Variants in CHP1 observed in about 807,000 individuals in gnomAD.
CHP1 encodes calcineurin B homologous protein 1.
Under a neutral mutation model 27.4 loss-of-function variants are expected in CHP1, and 11 were observed. The ratio of observed to expected loss-of-function variants is 0.40; its 90% CI spans 0.25 to 0.67. CHP1 has a LOEUF of 0.67. Ranked by LOEUF, CHP1 falls within the 30% of genes least tolerant of loss-of-function variation. The pLI is 0.38. For missense variants in CHP1, 169 were observed against 251.3 expected (o/e 0.67, Z 2.22); for synonymous variants, 89 against 87.4 (o/e 1.02, Z -0.10).
At chr15:41,236,570 G>A (rs938159239) in intron 1 of CHP1, among the ~76,000 whole-genome samples, 1 of 152,012 alleles carries the variant, frequency 6.6e-6, no homozygotes, top group African/African-American at 2.4e-5. Context: ...ACTTTTTTGC[G>A]GGGGCAAGGA....
Position 41,280,426 on chromosome 15 carries a change from T to C in CHP1, c.*1037T>C, listed in dbSNP as rs578082202. ...CAGCATGGTTTATGCCTCAGTGTTATGTGCACTGGAATGTTTTCCACTTCA... is the reference window on the plus strand; with the variant it reads ...CAGCATGGTTTATGCCTCAGTGTTACGTGCACTGGAATGTTTTCCACTTCA... On this transcript the variant is annotated 3_prime_UTR_variant, in exon 7 of 7. Coordinates refer to ENST00000334660, the MANE Select transcript of CHP1 (RefSeq NM_007236.5). 1 of 152,610 alleles carries C rather than the reference T, an allele frequency of 6.6e-6. No homozygotes were observed. Among genetic ancestry groups the C allele is most frequent in the South Asian group, 2.1e-4 (1 of 4,814 alleles). 9.5% of individuals were successfully genotyped at this position (152,610 alleles called of 1,614,324 possible).
intron 1 of CHP1, among the ~76,000 whole-genome samples, chr15:41,239,984 G>A (rs1329646090): frequency 6.6e-6 from 1 of 151,698 alleles, no homozygotes; most frequent in African/African-American, 2.4e-5. Flanking sequence ...CACCGTGTTA[G>A]CCAGGATGGT....
intron 5 of CHP1, among the ~76,000 whole-genome samples, chr15:41,274,146 A>G (rs1057240480): frequency 3.3e-5 from 5 of 151,980 alleles, no homozygotes; most frequent in African/African-American, 9.6e-5. Context: ...TTTTTAGTAG[A>G]GACGGGGTTT....
At chr15:41,232,871 C>T (rs1415609795) in intron 1 of CHP1, among the ~76,000 whole-genome samples, 1 of 152,170 alleles carries the variant, frequency 6.6e-6, no homozygotes, top group African/African-American at 2.4e-5. Flanking sequence ...TGCTTTGTGA[C>T]AAGTTCAACT....
chr15:41,277,532 G>C (rs1420043063), intron 5 of CHP1, among the ~76,000 whole-genome samples: 1 of 152,122 alleles, frequency 6.6e-6, no homozygotes, highest in Non-Finnish European at 1.5e-5. Context: ...GCTCACACTT[G>C]TAATCTCAGC....
intron 5 of CHP1, among the ~76,000 whole-genome samples, chr15:41,275,745 C>T (rs1046015213): frequency 1.3e-5 from 2 of 152,026 alleles, no homozygotes; most frequent in African/African-American, 2.4e-5. Flanking sequence ...CTTGTAATTT[C>T]GCTCTTGTTG....
At chr15:41,235,154 G>A (rs1434009266) in intron 1 of CHP1, among the ~76,000 whole-genome samples, 6 of 152,274 alleles carry the variant, frequency 3.9e-5, no homozygotes, top group South Asian at 2.1e-4. Context: ...AGCCACAAAT[G>A]TCTTAGGAGT....
intron 4 of CHP1, among the ~76,000 whole-genome samples, chr15:41,263,883 A>G (rs60702981): frequency 6.6e-6 from 1 of 152,186 alleles, no homozygotes; most frequent in Non-Finnish European, 1.5e-5. Context: ...CAAAGAAAAG[A>G]AAACAAAACA....
rs1567009541 is a variant in CHP1, at chr15:41,262,779, G to C, written c.245G>C (p.Gly82Ala). 1.2e-6 allele frequency: 2 copies of C among 1,613,050 alleles called. No homozygotes were observed. The highest frequency in any genetic ancestry group is 2.2e-5 in the East Asian group (1 of 44,880). Reference protein sequence around the residue: ...PEGEDQVNFRGFMRTLAHFRP... With the variant: ...PEGEDQVNFRAFMRTLAHFRP... ...AGAGAGGACCAGGTAAACTTCCGTG[G>C]ATTCATGCGAACTTTGGCTCATTTC... is the stretch of plus-strand genomic sequence containing the variant. The change falls in exon 4 of 7, where the codon GGA (glycine) becomes GCA (alanine). Residue 82 changes from glycine to alanine, a missense_variant. Coordinates refer to ENST00000334660, the MANE Select transcript of CHP1 (RefSeq NM_007236.5).
chr15:41,233,813 G>C (rs1435296405), intron 1 of CHP1, among the ~76,000 whole-genome samples: 1 of 152,110 alleles, frequency 6.6e-6, no homozygotes, highest in Non-Finnish European at 1.5e-5. Context: ...GAGTAGATTT[G>C]GATAGATTAA....
chr15:41,273,005 C>T (rs967771518), intron 5 of CHP1, among the ~76,000 whole-genome samples: 23 of 151,506 alleles, frequency 1.5e-4, no homozygotes, highest in African/African-American at 4.6e-4. Context: ...TGCAGTGAGC[C>T]GAGATCACGC....
intron 3 of CHP1, among the ~76,000 whole-genome samples, chr15:41,258,505 T>C (rs1270087391): frequency 6.6e-6 from 1 of 152,230 alleles, no homozygotes; most frequent in Non-Finnish European, 1.5e-5. Flanking sequence ...TTTAGCCTCC[T>C]TTAATCTGGA....
intron 2 of CHP1, among the ~76,000 whole-genome samples, chr15:41,249,387 C>G (rs1218915632): frequency 6.7e-6 from 1 of 150,294 alleles, no homozygotes; most frequent in East Asian, 2.0e-4. Flanking sequence ...CTCCTGAACT[C>G]AAACCATCTG....
At position 41,237,900 on chromosome 15, in the gene CHP1, G is replaced by A. The variant is rs553527120; in HGVS notation, c.68-5767G>A. 7.2e-5 allele frequency among the ~76,000 whole-genome samples: 11 copies of A among 151,984 alleles called. No homozygotes were observed. The South Asian group carries it at 2.3e-3, about 32-fold the overall frequency. Reference sequence around the variant, plus strand: ...AATTTTTGTATTTTTAGTAGAGATGGGGTTTCCCCATGTTGGCCAGGATGA... The same window carrying A: ...AATTTTTGTATTTTTAGTAGAGATGAGGTTTCCCCATGTTGGCCAGGATGA... On this transcript the variant is annotated intron_variant, in intron 1 of 6. Transcript: ENST00000334660.
At chr15:41,271,817 C>G (rs556502869) in intron 5 of CHP1, among the ~76,000 whole-genome samples, 2 of 152,324 alleles carry the variant, frequency 1.3e-5, no homozygotes, top group South Asian at 4.1e-4. Context: ...GCGTCCCTTG[C>G]TTTTGAGTTG....
At chr15:41,240,003 C>T (rs1310075706) in intron 1 of CHP1, among the ~76,000 whole-genome samples, 1 of 151,742 alleles carries the variant, frequency 6.6e-6, no homozygotes, top group Non-Finnish European at 1.5e-5. Context: ...GTCTCAATCT[C>T]CTGACCTCGT....
chr15:41,272,641 G>T (rs946991933), intron 5 of CHP1, among the ~76,000 whole-genome samples: 1 of 151,896 alleles, frequency 6.6e-6, no homozygotes, highest in Non-Finnish European at 1.5e-5. Flanking sequence ...GGCTGGTCTC[G>T]AACTCTTGGG....
At chr15:41,257,873 A>T (rs1051454217) in intron 3 of CHP1, among the ~76,000 whole-genome samples, 1 of 152,154 alleles carries the variant, frequency 6.6e-6, no homozygotes, top group Non-Finnish European at 1.5e-5. Context: ...ATTTTTTCAT[A>T]ATAAGTCCTT....
At chr15:41,272,061 G>T (rs888831599) in intron 5 of CHP1, 2 of 152,000 alleles carry the variant, frequency 1.3e-5, no homozygotes, top group African/African-American at 4.8e-5. Context: ...TGAAAGTCCT[G>T]GTTGAACTTT....
Sources: gnomAD v4.1 joint callset for allele counts (sites outside exome capture counted in the v4.1 genomes callset) on GRCh38, gnomAD v4.1.1 for gene constraint, MANE v1.5 for transcripts, NCBI Gene and HGNC (gene_info 2026-07-23, HGNC 2026-07-21) for gene names.